Variants in SFT2D2 observed in about 807,000 individuals in gnomAD.
The protein encoded by SFT2D2 is vesicle transport protein SFT2B.
SFT2D2 carries 21 observed loss-of-function variants against 27.4 expected under a neutral mutation model. That is an observed-to-expected ratio of 0.77 (90% CI 0.54 to 1.10). The LOEUF (loss-of-function observed/expected upper bound fraction) is 1.10, where lower values mean the gene tolerates loss of function less well. Ranked by LOEUF, SFT2D2 falls within the 50% of genes least tolerant of loss-of-function variation. The pLI is 0.00. For synonymous variants in SFT2D2, 72 were observed against 71.7 expected (o/e 1.00, Z -0.02); for missense variants, 187 against 194.2 (o/e 0.96, Z 0.22).
In SFT2D2 at chr1:168,252,698, T is replaced by C. The variant is rs527492747; in HGVS notation, c.*10158T>C. 1 of 152,226 alleles carries C rather than the reference T, an allele frequency of 6.6e-6. No homozygotes were observed. Among genetic ancestry groups the C allele is most frequent in the Non-Finnish European group, 1.5e-5 (1 of 68,048 alleles). The allele number at this position is 152,226 out of a possible 1,614,324, so 9.4% of individuals were successfully genotyped here. ...TTCAAAAGCCCATGGTGAATGCATA[T>C]GCCTTTAGAATATTGTGCCTGTTTT... On this transcript the variant is annotated 3_prime_UTR_variant, in exon 8 of 8. Coordinates refer to ENST00000271375, the MANE Select transcript of SFT2D2 (RefSeq NM_199344.3).
At position 168,245,666 on chromosome 1, in the gene SFT2D2, G is replaced by T; in HGVS notation, c.*3126G>T. ...ACAGTAACTCTCCTGCTGTGCAGCT[G>T]GTTCCTAACAGGTCATGGACCTGTC... On this transcript the variant is annotated 3_prime_UTR_variant, in exon 8 of 8. Transcript: ENST00000271375. The T allele has an allele frequency of 6.7e-6, 1 of 149,840 alleles. No homozygotes were observed. Among genetic ancestry groups the T allele is most frequent in the South Asian group, 2.1e-4 (1 of 4,778 alleles). The allele number at this position is 149,840 out of a possible 1,614,324, so 9.3% of individuals were successfully genotyped here. A position where few individuals can be genotyped will look rare whatever the true frequency, so the allele number is the denominator to read the frequency against.
At chr1:168,235,288 G>T in intron 4 of SFT2D2, 106 bp downstream of exon 4, 1 of 1,104,780 alleles carries the variant, frequency 9.1e-7, no homozygotes, top group East Asian at 2.4e-5. Flanking sequence ...TTTCCGTTCA[G>T]CTTGACTTAT....
In SFT2D2 at chr1:168,239,156, G is replaced by C. The variant is rs1158037809; in HGVS notation, c.439G>C (p.Ala147Pro). 1 of 1,605,356 alleles carries C rather than the reference G, an allele frequency of 6.2e-7. No homozygotes were observed. The highest frequency in any genetic ancestry group is 2.2e-5 in the East Asian group (1 of 44,848). Residue 147 changes from alanine (A) to proline (P), a missense_variant, in exon 7 of 8, where the codon GCA becomes CCA. Coordinates refer to ENST00000271375, the MANE Select transcript of SFT2D2 (RefSeq NM_199344.3). ...TWYSLSFIPFARDAVKKCFAV... is the reference protein window; with the variant it reads ...TWYSLSFIPFPRDAVKKCFAV... Reference sequence around the variant, plus strand: ...GTACAGCCTTTCCTTCATACCATTTGCAAGGTAAGACTGTGTATTTGGAAA... The same window carrying C: ...GTACAGCCTTTCCTTCATACCATTTCCAAGGTAAGACTGTGTATTTGGAAA...
At position 168,251,332 on chromosome 1, in the gene SFT2D2, A is replaced by T. The variant is rs1647946844; in HGVS notation, c.*8792A>T. The T allele has an allele frequency of 6.6e-6, 1 of 152,158 alleles. No individual in the cohort carries two copies. The highest frequency in any genetic ancestry group is 2.4e-5 in the African/African-American group (1 of 41,432). The allele number at this position is 152,158 out of a possible 1,614,324, so 9.4% of individuals were successfully genotyped here. A position where few individuals can be genotyped will look rare whatever the true frequency, so the allele number is the denominator to read the frequency against. ...TCTGTCTCAAAAATAAATAAAAAAA[A>T]AAATCACTTTTTGATACTTCTGTTA... On this transcript the variant is annotated 3_prime_UTR_variant, in exon 8 of 8. Transcript: ENST00000271375.
Position 168,235,114 on chromosome 1 carries a change from A to C in SFT2D2, c.250A>C (p.Met84Leu). The change falls in exon 4 of 8, where the codon ATG becomes CTG. Residue 84 changes from methionine (M) to leucine (L), a missense_variant. By Grantham distance (15) the Met-to-Leu change is conservative. Transcript: ENST00000271375. ...TTTGCCTTTTAGTACCATCTTCCTC[A>C]TGGGACCAGTGAAACAGCTGAAGCG... ...IASIGSTIFLMGPVKQLKRMF... is the reference protein window; with the variant it reads ...IASIGSTIFLLGPVKQLKRMF... The C allele has an allele frequency of 6.2e-7, 1 of 1,614,148 alleles. No individual in the cohort carries two copies. Among genetic ancestry groups the C allele is most frequent in the Non-Finnish European group, 8.5e-7 (1 of 1,180,010 alleles).
rs1051165700 is a variant in SFT2D2 at position 168,252,622 on chromosome 1, G to A, written c.*10082G>A. ...AAAAAAAAATAGCCCTCTGAACTCT[G>A]ATCTTTTGCCGCTTCTGTAGATTTT... On this transcript the variant is annotated 3_prime_UTR_variant, in exon 8 of 8. Coordinates refer to ENST00000271375, the MANE Select transcript of SFT2D2 (RefSeq NM_199344.3). 2 of 152,238 alleles carry A rather than the reference G, an allele frequency of 1.3e-5. No individual in the cohort carries two copies. Among genetic ancestry groups the A allele is most frequent in the African/African-American group, 4.8e-5 (2 of 41,532 alleles). 9.4% of individuals were successfully genotyped at this position (152,238 alleles called of 1,614,324 possible). A position where few individuals can be genotyped will look rare whatever the true frequency, so the allele number is the denominator to read the frequency against.
intron 1 of SFT2D2, among the ~76,000 whole-genome samples, chr1:168,227,513 G>T (rs1023357674): frequency 6.6e-6 from 1 of 152,224 alleles, no homozygotes; most frequent in Non-Finnish European, 1.5e-5. Context: ...AATTCTATGG[G>T]ATCGAATGTT....
chr1:168,237,957 A>C (rs1647548246), intron 6 of SFT2D2, among the ~76,000 whole-genome samples: 1 of 151,556 alleles, frequency 6.6e-6, no homozygotes, highest in African/African-American at 2.4e-5. Context: ...ATATACACAC[A>C]CCTTGCTTTG....
At position 168,231,849 on chromosome 1, in the gene SFT2D2, T is replaced by C. The variant is rs1202416444; in HGVS notation, c.166T>C (p.Trp56Arg). Residue 56 changes from tryptophan (W) to arginine (R), a missense_variant, in exon 3 of 8, where the codon TGG (tryptophan) becomes CGG (arginine). Transcript: ENST00000271375. ...TAAATTCCAGGGTACTGTTCTGCTG[T>C]GGGTGCCCAGGAAGGGACTACACCT... is the stretch of plus-strand genomic sequence containing the variant. ...LCSLLGTVLL[W>R]VPRKGLHLFA... is the part of the protein sequence containing the mutation. 6.2e-7 allele frequency: 1 copy of C among 1,614,204 alleles called. No homozygotes were observed. Among genetic ancestry groups the C allele is most frequent in the Non-Finnish European group, 8.5e-7 (1 of 1,180,022 alleles).
At position 168,248,172 on chromosome 1, in the gene SFT2D2, A is replaced by C. The variant is rs1470729279; in HGVS notation, c.*5632A>C. 1 of 152,124 alleles carries C rather than the reference A, an allele frequency of 6.6e-6. No homozygotes were observed. The highest frequency in any genetic ancestry group is 2.4e-5 in the African/African-American group (1 of 41,404). 9.4% of individuals were successfully genotyped at this position (152,124 alleles called of 1,614,324 possible). A position where few individuals can be genotyped will look rare whatever the true frequency, so the allele number is the denominator to read the frequency against. Reference sequence around the variant, plus strand: ...TGCTGTGCAGAAGCTCTTTGGTTTAATTAGATCTCATTTTGTCTATTTTGG... The same window carrying C: ...TGCTGTGCAGAAGCTCTTTGGTTTACTTAGATCTCATTTTGTCTATTTTGG... On this transcript the variant is annotated 3_prime_UTR_variant, in exon 8 of 8. Transcript: ENST00000271375.
rs1049427828 is a variant in SFT2D2 at position 168,242,914 on chromosome 1, G to A, written c.*374G>A. 4 of 294,150 alleles carry A rather than the reference G, an allele frequency of 1.4e-5. No individual in the cohort carries two copies. Among genetic ancestry groups the A allele is most frequent in the African/African-American group, 2.2e-5 (1 of 46,254 alleles). The allele number at this position is 294,150 out of a possible 1,614,324, so 18.2% of individuals were successfully genotyped here. A position where few individuals can be genotyped will look rare whatever the true frequency, so the allele number is the denominator to read the frequency against. ...GGCAGCCCCATCAGAGATCACGGGA[G>A]CAACAGTAAGGGACAGAGTTTTGGG... On this transcript the variant is annotated 3_prime_UTR_variant, in exon 8 of 8. Transcript: ENST00000271375.
chr1:168,231,726 A>G (rs1647318733), intron 2 of SFT2D2, 108 bp from the exon 3 acceptor site: 1 of 1,435,156 alleles, frequency 7.0e-7, no homozygotes, highest in East Asian at 2.3e-5. Flanking sequence ...GAGGGGAATA[A>G]GGGAGGTGGG....
chr1:168,226,013 A>G lies in SFT2D2; in HGVS notation c.-67A>G. On this transcript the variant is annotated 5_prime_UTR_variant, in exon 1 of 8. Coordinates refer to ENST00000271375, the MANE Select transcript of SFT2D2 (RefSeq NM_199344.3). ...TGGGCGGCTGCCTAGCACCCGGAAG[A>G]GCCGTCAACTTAGCGAGCGCAACAG... The G allele has an allele frequency of 7.1e-7, 1 of 1,404,100 alleles. No individual in the cohort carries two copies. The highest frequency in any genetic ancestry group is 9.4e-7 in the Non-Finnish European group (1 of 1,059,926). 87.0% of individuals were successfully genotyped at this position (1,404,100 alleles called of 1,614,324 possible). A position where few individuals can be genotyped will look rare whatever the true frequency, so the allele number is the denominator to read the frequency against.
chr1:168,246,756 C>G lies in SFT2D2; in HGVS notation c.*4216C>G, dbSNP rs755560260. The G allele has an allele frequency of 1.9e-5, 15 of 774,588 alleles. 1 individual carries two copies. The South Asian group carries it at 2.0e-4, about 11-fold the overall frequency. The allele number at this position is 774,588 out of a possible 1,614,324, so 48.0% of individuals were successfully genotyped here. On this transcript the variant is annotated 3_prime_UTR_variant, in exon 8 of 8. Transcript: ENST00000271375. The stretch of plus-strand genomic sequence containing the variant: ...TTGTTTTTCCTTCTCCAGTTTAGAA[C>G]GGAGCATTGTGTTCTCATCTGTCAG...
At chr1:168,239,355 A>G (rs994453273) in intron 7 of SFT2D2, among the ~76,000 whole-genome samples, 195 bp downstream of exon 7, 23 of 151,650 alleles carry the variant, frequency 1.5e-4, no homozygotes, top group Non-Finnish European at 4.4e-5. Context: ...AATGATGGAT[A>G]TTTACCCAGG....
chr1:168,237,090 G>A (rs1395829679), intron 6 of SFT2D2, among the ~76,000 whole-genome samples: 1 of 152,144 alleles, frequency 6.6e-6, no homozygotes, highest in Non-Finnish European at 1.5e-5. Flanking sequence ...GTAAGTGCAA[G>A]GACAACAAAA....
chr1:168,242,373 G>T, intron 7 of SFT2D2, 128 bp from the exon 8 acceptor site: 1 of 952,508 alleles, frequency 1.0e-6, no homozygotes, highest in Admixed American at 1.8e-5. Context: ...GCTGCAGTTT[G>T]ATGCTGTGAA....
At position 168,251,297 on chromosome 1, in the gene SFT2D2, A is replaced by G. The variant is rs576923691; in HGVS notation, c.*8757A>G. 8 of 152,272 alleles carry G rather than the reference A, an allele frequency of 5.3e-5. No individual in the cohort carries two copies. The East Asian group carries it at 1.4e-3, about 26-fold the overall frequency. 9.4% of individuals were successfully genotyped at this position (152,272 alleles called of 1,614,324 possible). On this transcript the variant is annotated 3_prime_UTR_variant, in exon 8 of 8. Transcript: ENST00000271375. ...ACCCCTGCACTCCAGCCTGAGCAAC[A>G]GAGTGAGACTCTGTCTCAAAAATAA... is the stretch of plus-strand genomic sequence containing the variant.
rs1481578222 is a variant in SFT2D2, at chr1:168,249,437, T to G, written c.*6897T>G. On this transcript the variant is annotated 3_prime_UTR_variant, in exon 8 of 8. Transcript: ENST00000271375. ...TTTTAGTAGAAACAGGGTTTCACCA[T>G]GTTGGCCAGGCTGGTCTCGAACTCC... 6.6e-6 allele frequency: 1 copy of G among 152,590 alleles called. No homozygotes were observed. Among genetic ancestry groups the G allele is most frequent in the African/African-American group, 2.4e-5 (1 of 41,448 alleles). 9.5% of individuals were successfully genotyped at this position (152,590 alleles called of 1,614,324 possible).
Sources: allele counts gnomAD v4.1 joint callset (sites outside exome capture counted in the v4.1 genomes callset), GRCh38; gene constraint gnomAD v4.1.1; transcripts MANE v1.5; gene names NCBI Gene and HGNC (gene_info 2026-07-23, HGNC 2026-07-21).